The following SLX4IP variants were observed in gnomAD, a reference collection of about 807,000 sequenced individuals.
SLX4IP encodes the protein protein SLX4IP.
SLX4IP carries 34 observed loss-of-function variants against 32.9 expected under a neutral mutation model. The ratio of observed to expected loss-of-function variants is 1.03; its 90% CI spans 0.79 to 1.38. The LOEUF is 1.38. Ranked by LOEUF, SLX4IP falls within the 40% of genes most tolerant of loss-of-function variation. The pLI is 0.00. For synonymous variants in SLX4IP, 172 were observed against 171.7 expected, an observed-to-expected ratio of 1.00 and a Z score of -0.01; for missense variants, 444 against 479.0, an observed-to-expected ratio of 0.93 and a Z score of 0.68.
chr20:10,463,756 G>T (rs1425258362), intron 2 of SLX4IP, among the ~76,000 whole-genome samples: 1 of 152,154 alleles, frequency 6.6e-6, no homozygotes, highest in African/African-American at 2.4e-5. Flanking sequence ...AGGAAATTAA[G>T]CATAGTATAC....
chr20:10,568,222 A>G (rs547310765), intron 4 of SLX4IP, among the ~76,000 whole-genome samples: 104 of 152,338 alleles, frequency 6.8e-4, no homozygotes, highest in African/African-American at 2.4e-3. Context: ...AAGTCCTATC[A>G]TAATGCCTTT....
intron 2 of SLX4IP, among the ~76,000 whole-genome samples, chr20:10,471,166 AT>A (rs1380564038): frequency 6.6e-6 from 1 of 152,172 alleles, no homozygotes; most frequent in East Asian, 1.9e-4. Flanking sequence ...GCTGTATGGT[AT>A]TTGAGGGACT....
chr20:10,593,109 G>T (rs1319297327), intron 4 of SLX4IP, among the ~76,000 whole-genome samples: 1 of 152,170 alleles, frequency 6.6e-6, no homozygotes, highest in African/African-American at 2.4e-5. Context: ...GGCGTGCAAT[G>T]CAGAGCTGCT....
chr20:10,533,439 G>T (rs1183960399), intron 2 of SLX4IP, among the ~76,000 whole-genome samples: 3 of 151,966 alleles, frequency 2.0e-5, no homozygotes, highest in African/African-American at 7.2e-5. Context: ...AAGTAGCTGG[G>T]ATTACAGGCA....
At chr20:10,518,718 T>G (rs1363205178) in intron 2 of SLX4IP, among the ~76,000 whole-genome samples, 1 of 150,738 alleles carries the variant, frequency 6.6e-6, no homozygotes, top group Admixed American at 6.6e-5. Context: ...TGGGTGGGAG[T>G]CACCACATCT....
chr20:10,472,070 C>T lies in SLX4IP; in HGVS notation c.27+13839C>T, dbSNP rs534176348. ...AATAACTGCCTCTTGATGGAAGGAG[C>T]AGCGTACCTCCAGAGGAGGGAAGGG... On this transcript the variant is annotated intron_variant, in intron 2 of 7. Coordinates refer to ENST00000334534, the MANE Select transcript of SLX4IP (RefSeq NM_001009608.3). Among the ~76,000 whole-genome samples the T allele has an allele frequency of 3.3e-5, 5 of 152,246 alleles. No individual in the cohort carries two copies. The South Asian group carries it at 1.0e-3, about 32-fold the overall frequency.
rs2065338193 is a variant in SLX4IP, at chr20:10,461,529, A to T, written c.27+3298A>T. On this transcript the variant is annotated intron_variant, in intron 2 of 7. Coordinates refer to ENST00000334534, the MANE Select transcript of SLX4IP (RefSeq NM_001009608.3). ...GCTAGGGACCAGTGGTTCTCTAATC[A>T]TGTACCTTACTTAGAAGCTCCGTGA... Among the ~76,000 whole-genome samples the T allele has an allele frequency of 2.0e-5, 3 of 152,202 alleles. No homozygotes were observed. The South Asian group carries it at 6.2e-4, about 31-fold the overall frequency.
At position 10,617,196 on chromosome 20, in the gene SLX4IP, T is replaced by G. The variant is rs1306833016; in HGVS notation, c.406-4118T>G. 7.9e-5 allele frequency among the ~76,000 whole-genome samples: 12 copies of G among 152,328 alleles called. No individual in the cohort carries two copies. The East Asian group carries it at 1.7e-3, about 22-fold the overall frequency. ...GGCTGTCTCACTGTACCAGTTTGTG[T>G]TTGTTTATCTGCTGCTCTGCCTTGC... On this transcript the variant is annotated intron_variant, in intron 6 of 7. Transcript: ENST00000334534.
intron 2 of SLX4IP, among the ~76,000 whole-genome samples, chr20:10,505,024 CATTTGGCA>C (rs1335660746): frequency 2.0e-5 from 3 of 152,200 alleles, no homozygotes; most frequent in Non-Finnish European, 4.4e-5. Context: ...ACAGTTTGTG[CATTTGGCA>C]ATCAAATGGG....
chr20:10,451,654 A>G (rs1024536348), intron 1 of SLX4IP, among the ~76,000 whole-genome samples: 1 of 151,632 alleles, frequency 6.6e-6, no homozygotes, highest in Non-Finnish European at 1.5e-5. Context: ...AAATGCTAAC[A>G]TGTTGGCTAT....
chr20:10,499,696 C>T (rs1359127334), intron 2 of SLX4IP, among the ~76,000 whole-genome samples: 1 of 152,058 alleles, frequency 6.6e-6, no homozygotes, highest in Non-Finnish European at 1.5e-5. Flanking sequence ...CATTATTTAC[C>T]CTCCTTTCAC....
At chr20:10,569,488 G>A (rs1158929174) in intron 4 of SLX4IP, among the ~76,000 whole-genome samples, 2 of 151,696 alleles carry the variant, frequency 1.3e-5, no homozygotes, top group Non-Finnish European at 2.9e-5. Flanking sequence ...TTTTTTTCCT[G>A]TTATACAGTG....
chr20:10,539,105 A>G (rs761707414), intron 2 of SLX4IP, among the ~76,000 whole-genome samples: 3 of 152,260 alleles, frequency 2.0e-5, no homozygotes, highest in African/African-American at 4.8e-5. Flanking sequence ...TTTCATAAGA[A>G]TAACTAATTG....
intron 4 of SLX4IP, among the ~76,000 whole-genome samples, chr20:10,576,724 G>A (rs548553917): frequency 6.0e-4 from 92 of 152,276 alleles, no homozygotes; most frequent in South Asian, 1.7e-3. Flanking sequence ...ATATTTGTGT[G>A]TTTGTGTGTG....
intron 4 of SLX4IP, among the ~76,000 whole-genome samples, chr20:10,562,230 G>A (rs146105734): frequency 6.6e-6 from 1 of 152,144 alleles, no homozygotes; most frequent in African/African-American, 2.4e-5. Context: ...TTGGTGTACC[G>A]GAAATACTGG....
rs181408216 is a variant in SLX4IP, at chr20:10,479,148, A to T, written c.27+20917A>T. Among the ~76,000 whole-genome samples the T allele has an allele frequency of 2.3e-3, 357 of 152,200 alleles. 1 individual carries two copies. The highest frequency in any genetic ancestry group is 3.9e-3 in the Non-Finnish European group (265 of 68,006). ...GGACTCCACCTAGAGGCAAGTAGTG[A>T]CTCTGATTCCTTCCCATATGACAAA... On this transcript the variant is annotated intron_variant, in intron 2 of 7. Coordinates refer to ENST00000334534, the MANE Select transcript of SLX4IP (RefSeq NM_001009608.3).
intron 2 of SLX4IP, among the ~76,000 whole-genome samples, chr20:10,502,132 A>G (rs953953554): frequency 6.6e-6 from 1 of 152,222 alleles, no homozygotes; most frequent in African/African-American, 2.4e-5. Context: ...AAAGATTTGT[A>G]ATCCTCAGTG....
chr20:10,554,119 A>G (rs1185132357), intron 2 of SLX4IP, among the ~76,000 whole-genome samples: 1 of 152,210 alleles, frequency 6.6e-6, no homozygotes, highest in Non-Finnish European at 1.5e-5. Flanking sequence ...GTTCTCACCC[A>G]GTTTTTTACC....
chr20:10,595,194 A>G (rs1485808374), intron 4 of SLX4IP, among the ~76,000 whole-genome samples: 1 of 152,102 alleles, frequency 6.6e-6, no homozygotes, highest in Non-Finnish European at 1.5e-5. Flanking sequence ...AAATGCACAT[A>G]CCTGCAGACG....
Sources: allele counts gnomAD v4.1 joint callset (sites outside exome capture counted in the v4.1 genomes callset), GRCh38; gene constraint gnomAD v4.1.1; transcripts MANE v1.5; gene names NCBI Gene and HGNC (gene_info 2026-07-23, HGNC 2026-07-21).